Variants in CUBN observed in about 807,000 individuals in gnomAD.
CUBN encodes 460 kDa receptor.
In CUBN, 282 loss-of-function variants were observed where a neutral mutation model predicts 405.3. The observed-to-expected ratio is 0.70, with a 90% CI of 0.63 to 0.77. The LOEUF (loss-of-function observed/expected upper bound fraction) is 0.77, where lower values mean the gene tolerates loss of function less well. Among genes scored for constraint, CUBN ranks in the 30% least tolerant of loss-of-function variants. CUBN has a pLI of 0.00. For missense variants in CUBN, 4,514 were observed against 4,475.2 expected (o/e 1.01, Z -0.25); for synonymous variants, 1,684 against 1,617.0 (o/e 1.04, Z -0.99).
chr10:16,980,033 G>T (rs1303191647), intron 31 of CUBN, among the ~76,000 whole-genome samples: 4 of 151,892 alleles, frequency 2.6e-5, no homozygotes, highest in African/African-American at 9.7e-5. Flanking sequence ...GTGGGCAAAG[G>T]ATATGAACAG....
chr10:16,888,608 CGT>C, intron 55 of CUBN, 42 bp from the exon 56 acceptor site: 1 of 1,580,868 alleles, frequency 6.3e-7, no homozygotes, highest in Non-Finnish European at 8.7e-7. Context: ...ATTTATTTCT[CGT>C]GTATCTATTT....
chr10:17,046,217 C>T, intron 23 of CUBN, 123 bp from the exon 24 acceptor site: 1 of 821,134 alleles, frequency 1.2e-6, no homozygotes, highest in Non-Finnish European at 2.0e-6. Context: ...TAATTTCTCT[C>T]AAACACTACA....
At chr10:16,901,908 T>C (rs1391739164) in intron 51 of CUBN, among the ~76,000 whole-genome samples, 1 of 129,368 alleles carries the variant, frequency 7.7e-6, no homozygotes, top group Non-Finnish European at 1.7e-5. Flanking sequence ...TATATATATA[T>C]ATATATATAT....
intron 37 of CUBN, 36 bp from the exon 38 acceptor site, chr10:16,939,183 T>C (rs529012612): frequency 1.3e-6 from 2 of 1,507,612 alleles, no homozygotes; most frequent in East Asian, 2.3e-5. Flanking sequence ...TCAGACCCAC[T>C]TAGAATTGCT....
intron 31 of CUBN, among the ~76,000 whole-genome samples, chr10:16,960,674 GA>G (rs761539824): frequency 6.6e-6 from 1 of 152,192 alleles, no homozygotes; most frequent in Non-Finnish European, 1.5e-5. Flanking sequence ...TAGGGTTGAG[GA>G]AAACCCTGAG....
rs757977392 is a variant in CUBN, at chr10:17,019,956, G to T, written c.4045C>A (p.Arg1349Ser). Residue 1349 changes from arginine (R) to serine (S), a missense_variant, in exon 28 of 67, where the codon CGC becomes AGC. Arg to Ser is a moderately radical substitution (Grantham distance 110). This residue lies in a region of CUBN where 242 missense variants were observed against 309.0 expected (regional missense o/e 0.78). Coordinates refer to ENST00000377833, the MANE Select transcript of CUBN (RefSeq NM_001081.4). ...ELYDGPRQMGRYCGVDLPPPG... is the reference protein window; with the variant it reads ...ELYDGPRQMGSYCGVDLPPPG... ...GGGGGCAGGTCTACTCCACAGTAGC[G>T]TCCCATCTGCCGTGGTCCATCATAG... is the stretch of plus-strand genomic sequence containing the variant. 6.8e-6 allele frequency: 11 copies of T among 1,613,966 alleles called. No homozygotes were observed. The highest frequency in any genetic ancestry group is 1.3e-5 in the African/African-American group (1 of 74,914).
intron 29 of CUBN, among the ~76,000 whole-genome samples, chr10:16,989,220 T>C (rs945136569): frequency 4.6e-5 from 7 of 152,014 alleles, no homozygotes; most frequent in Non-Finnish European, 1.0e-4. Context: ...TTGGAAGATA[T>C]TAAAGTTTGC....
In CUBN at chr10:17,129,663, T is replaced by C. The variant is rs1443810212; in HGVS notation, c.103A>G (p.Arg35Gly). The C allele has an allele frequency of 6.2e-7, 1 of 1,614,114 alleles. No homozygotes were observed. The highest frequency in any genetic ancestry group is 1.1e-5 in the South Asian group (1 of 91,082). The change falls in exon 1 of 67, where the codon AGA becomes GGA. Residue 35 changes from arginine (R) to glycine (G), a missense_variant. Physicochemically the swap from Arg to Gly is moderately radical, Grantham distance 125. Coordinates refer to ENST00000377833, the MANE Select transcript of CUBN (RefSeq NM_001081.4). ...AGELELQRQK[R>G]SINLQQPRMA... is the part of the protein sequence containing the mutation. ...ACTTACTGTTGGAGATTGATGCTTCTTTTTTGTCTCTGCAGCTCAAGTTCT... is the reference window on the plus strand; with the variant it reads ...ACTTACTGTTGGAGATTGATGCTTCCTTTTTGTCTCTGCAGCTCAAGTTCT...
chr10:17,081,378 T>C lies in CUBN; in HGVS notation c.2301+2893A>G, dbSNP rs1462167305. Among the ~76,000 whole-genome samples the C allele has an allele frequency of 2.0e-5, 3 of 152,304 alleles. No individual in the cohort carries two copies. The East Asian group carries it at 5.8e-4, about 29-fold the overall frequency. Reference sequence around the variant, plus strand: ...GAATTTCTTTTCTCTTCTCCACTCTTTCTAAAATTTTGGGTGGACTGCTTT... The same window carrying C: ...GAATTTCTTTTCTCTTCTCCACTCTCTCTAAAATTTTGGGTGGACTGCTTT... On this transcript the variant is annotated intron_variant, in intron 17 of 66. Coordinates refer to ENST00000377833, the MANE Select transcript of CUBN (RefSeq NM_001081.4).
intron 27 of CUBN, among the ~76,000 whole-genome samples, chr10:17,027,862 T>A (rs1276294042): frequency 6.6e-6 from 1 of 152,212 alleles, no homozygotes; most frequent in Non-Finnish European, 1.5e-5. Flanking sequence ...AACTAGATTT[T>A]TATTATTAAT....
intron 28 of CUBN, among the ~76,000 whole-genome samples, chr10:17,013,960 C>T (rs777682485): frequency 9.9e-5 from 15 of 152,206 alleles, no homozygotes; most frequent in Non-Finnish European, 1.6e-4. Context: ...GGCAGTCATG[C>T]TCAATTGGTT....
At chr10:16,859,467 C>T (rs1359971680) in intron 59 of CUBN, among the ~76,000 whole-genome samples, 1 of 152,080 alleles carries the variant, frequency 6.6e-6, no homozygotes, top group Non-Finnish European at 1.5e-5. Context: ...GCAACAATAA[C>T]AGTACTCTAC....
intron 29 of CUBN, among the ~76,000 whole-genome samples, chr10:16,986,857 T>G (rs544744278): frequency 1.3e-5 from 2 of 152,174 alleles, no homozygotes; most frequent in Non-Finnish European, 2.9e-5. Flanking sequence ...GAACGCCAAG[T>G]GTTAAGTTCT....
chr10:16,991,606 T>A lies in CUBN; in HGVS notation c.4169-1091A>T, dbSNP rs1421935730. On this transcript the variant is annotated intron_variant, in intron 28 of 66. Transcript: ENST00000377833. ...GTGATTAACAAAACATTTTTTGCTC[T>A]TAACATTTCTGGGCCTCTTTTTCTG... Among the ~76,000 whole-genome samples the A allele has an allele frequency of 2.0e-5, 3 of 150,844 alleles. No individual in the cohort carries two copies. The East Asian group carries it at 5.8e-4, about 29-fold the overall frequency.
At chr10:16,896,444 G>A (rs548878463) in intron 54 of CUBN, among the ~76,000 whole-genome samples, 2 of 152,156 alleles carry the variant, frequency 1.3e-5, no homozygotes, top group East Asian at 3.9e-4. Flanking sequence ...TAAAATGTAT[G>A]GTTGACAATT....
chr10:16,906,195 G>C lies in CUBN; in HGVS notation c.7912+8C>G. The C allele has an allele frequency of 6.3e-7, 1 of 1,595,832 alleles. No homozygotes were observed. Among genetic ancestry groups the C allele is most frequent in the Non-Finnish European group, 8.6e-7 (1 of 1,163,478 alleles). On this transcript the variant is annotated splice_region_variant and intron_variant, in intron 50 of 66. Transcript: ENST00000377833. ...AAATGGGAAAACGCATTCTTAGATA[G>C]AACTCACCCACTCGAAACTCGAGGA...
At position 16,904,118 on chromosome 10, in the gene CUBN, GA is replaced by G. The variant is rs750661266; in HGVS notation, c.7913-4del. On this transcript the variant is annotated splice_region_variant and splice_polypyrimidine_tract_variant and intron_variant, in intron 50 of 66. Transcript: ENST00000377833. ...CATCAGGGGCCCATCAGCATCACCT[GA>G]ACAAAATAATATACCAAGTGCCATC... The G allele has an allele frequency of 1.9e-6, 3 of 1,613,598 alleles. No homozygotes were observed. The South Asian group carries it at 3.3e-5, about 18-fold the overall frequency.
At chr10:17,092,643 A>C (rs1463680275) in intron 14 of CUBN, among the ~76,000 whole-genome samples, 1 of 151,822 alleles carries the variant, frequency 6.6e-6, no homozygotes, top group Non-Finnish European at 1.5e-5. Flanking sequence ...GCTAAAAGAC[A>C]CTCCTACCAG....
At chr10:16,934,769 G>A (rs1248792617) in intron 39 of CUBN, among the ~76,000 whole-genome samples, 2 of 152,176 alleles carry the variant, frequency 1.3e-5, no homozygotes. Flanking sequence ...AGACATCCAA[G>A]GGCTCTTTTG....
Sources: allele counts gnomAD v4.1 joint callset (sites outside exome capture counted in the v4.1 genomes callset), GRCh38; gene constraint gnomAD v4.1.1; regional missense constraint gnomAD v4.1.1; transcripts MANE v1.5; gene names NCBI Gene and HGNC (gene_info 2026-07-23, HGNC 2026-07-21).